PELP1: variants seen among roughly 807,000 people sequenced by gnomAD.
PELP1 encodes the protein proline-, glutamic acid- and leucine-rich protein 1.
A neutral mutation model predicts 95.5 loss-of-function variants in PELP1; 32 were observed. The observed-to-expected ratio is 0.34, with a 90% CI of 0.25 to 0.45. PELP1 has a LOEUF of 0.45. Ranked by LOEUF, PELP1 falls within the 20% of genes least tolerant of loss-of-function variation. The pLI is 1.00. For synonymous variants in PELP1, 668 were observed against 600.1 expected (o/e 1.11, Z -1.65); for missense variants, 1,358 against 1,444.8 (o/e 0.94, Z 0.97).
chr17:4,700,214 G>T (rs749090627), intron 1 of PELP1, among the ~76,000 whole-genome samples: 4 of 152,124 alleles, frequency 2.6e-5, no homozygotes, highest in Non-Finnish European at 5.9e-5. Flanking sequence ...CGAGGATGAA[G>T]TTTTGAGCCT....
intron 1 of PELP1, among the ~76,000 whole-genome samples, chr17:4,693,605 G>A (rs1019121270): frequency 4.6e-5 from 7 of 152,166 alleles, no homozygotes; most frequent in Non-Finnish European, 1.0e-4. Flanking sequence ...TACCGCCACA[G>A]TGGATCTGAT....
intron 3 of PELP1, among the ~76,000 whole-genome samples, chr17:4,687,057 T>C (rs1912931334): frequency 6.6e-6 from 1 of 152,110 alleles, no homozygotes; most frequent in African/African-American, 2.4e-5. Flanking sequence ...ATTAGAACAC[T>C]TTCTTAACCC....
intron 1 of PELP1, among the ~76,000 whole-genome samples, chr17:4,692,026 C>T (rs1424110847): frequency 6.6e-6 from 1 of 152,172 alleles, no homozygotes; most frequent in Non-Finnish European, 1.5e-5. Flanking sequence ...CCTCCTCTCA[C>T]GGCACCCGCG....
chr17:4,675,947 C>T lies in PELP1; in HGVS notation c.981-63G>A, dbSNP rs977459604. 35 of 1,590,490 alleles carry T rather than the reference C, an allele frequency of 2.2e-5. No homozygotes were observed. The highest frequency in any genetic ancestry group is 2.8e-5 in the Non-Finnish European group (33 of 1,164,878). On this transcript the variant is annotated intron_variant, in intron 8 of 16. Coordinates refer to ENST00000572293, the MANE Select transcript of PELP1 (RefSeq NM_014389.3). The surrounding 1 kb of genome is among the most constrained non-coding windows in gnomAD (Gnocchi z 4.3). ...CTCCCTGGCATAACTCCCACACCCA[C>T]CTTCATCTCCTTTCTCCTGATGAAG...
chr17:4,683,177 G>T, intron 3 of PELP1: 2 of 846,086 alleles, frequency 2.4e-6, no homozygotes, highest in Non-Finnish European at 3.1e-6. Context: ...GAAAAAAAGA[G>T]TAACAAAGCT....
At chr17:4,703,736 C>G (rs1035603919) in intron 1 of PELP1, 127 bp downstream of exon 1, 10 of 746,176 alleles carry the variant, frequency 1.3e-5, no homozygotes, top group Admixed American at 8.6e-5. Context: ...ATACCTGGAT[C>G]CCCTTTCTGC....
In PELP1 at chr17:4,675,162, C is replaced by T; in HGVS notation, c.1191G>A (p.Leu397=). The T allele has an allele frequency of 6.2e-7, 1 of 1,613,874 alleles. No individual in the cohort carries two copies. Among genetic ancestry groups the T allele is most frequent in the Non-Finnish European group, 8.5e-7 (1 of 1,179,866 alleles). ...CGSRLLRFGI[L]IGRLLPQVLN... is the part of the protein sequence containing the mutation. ...GGACCTGGGGAAGCAGGCGGCCGAT[C>T]AGGATCCCAAAGCGCAAGAGCCGGC... Residue 397 remains leucine, a synonymous_variant, in exon 11 of 17, where the codon CTG becomes CTA. Transcript: ENST00000572293. The surrounding 1 kb of genome is among the most constrained non-coding windows in gnomAD (Gnocchi z 4.3).
At chr17:4,685,064 G>C (rs773392373) in intron 3 of PELP1, among the ~76,000 whole-genome samples, 1 of 152,098 alleles carries the variant, frequency 6.6e-6, no homozygotes, top group Non-Finnish European at 1.5e-5. Flanking sequence ...CTCATCGTTA[G>C]AGCCCAGCAT....
chr17:4,678,610 C>T (rs1386245090), intron 5 of PELP1, among the ~76,000 whole-genome samples: 2 of 152,188 alleles, frequency 1.3e-5, no homozygotes, highest in African/African-American at 2.4e-5. Flanking sequence ...AGCAATGACT[C>T]GCTTGGAACA....
At position 4,671,543 on chromosome 17, in the gene PELP1, A is replaced by C; in HGVS notation, c.3301-12T>G. 3 of 1,613,650 alleles carry C rather than the reference A, an allele frequency of 1.9e-6. No individual in the cohort carries two copies. The highest frequency in any genetic ancestry group is 2.5e-6 in the Non-Finnish European group (3 of 1,179,796). On this transcript the variant is annotated splice_polypyrimidine_tract_variant and intron_variant, in intron 16 of 16. Transcript: ENST00000572293. ...GTGTCATCCTGCTCCTTTTAGGCAC[A>C]AAGATACAAGATTCAGAATAGTCAC...
intron 3 of PELP1, among the ~76,000 whole-genome samples, chr17:4,690,665 T>C (rs1226106114): frequency 6.6e-6 from 1 of 152,126 alleles, no homozygotes; most frequent in African/African-American, 2.4e-5. Context: ...GAGGATGCAG[T>C]GAGCCAAGAT....
intron 3 of PELP1, 82 bp from the exon 4 acceptor site, chr17:4,683,034 T>G (rs1432588639): frequency 7.3e-7 from 1 of 1,378,930 alleles, no homozygotes; most frequent in South Asian, 1.9e-5. Flanking sequence ...ACAAGCCTTC[T>G]GAGGAATGCC....
Position 4,673,916 on chromosome 17 carries a change from T to C in PELP1, c.1583-242A>G, listed in dbSNP as rs1038515371. ...AATTTTATAATTTTGCATTTATATA[T>C]TTGGGAACAATCGGTTCTCCCCTTC... On this transcript the variant is annotated intron_variant, in intron 13 of 16. Coordinates refer to ENST00000572293, the MANE Select transcript of PELP1 (RefSeq NM_014389.3). The surrounding 1 kb of genome is among the most constrained non-coding windows in gnomAD (Gnocchi z 5.7). 8 of 514,084 alleles carry C rather than the reference T, an allele frequency of 1.6e-5. No individual in the cohort carries two copies. The highest frequency in any genetic ancestry group is 2.4e-5 in the Non-Finnish European group (7 of 286,904). The allele number at this position is 514,084 out of a possible 1,614,324, so 31.8% of individuals were successfully genotyped here.
In PELP1 at chr17:4,691,386, G is replaced by A; in HGVS notation, c.306C>T (p.Ile102=). ...VSLSNARLSS[I]KTRFEGLCLL... The stretch of plus-strand genomic sequence containing the variant: ...AAGGGCCAAAGACTTACCGAGTTTT[G>A]ATGGAACTGAGACGTGCATTACTGA... Residue 102 remains isoleucine, a synonymous_variant, in exon 2 of 17, where the codon ATC becomes ATT. Coordinates refer to ENST00000572293, the MANE Select transcript of PELP1 (RefSeq NM_014389.3). 1 of 1,612,958 alleles carries A rather than the reference G, an allele frequency of 6.2e-7. No individual in the cohort carries two copies. Among genetic ancestry groups the A allele is most frequent in the Non-Finnish European group, 8.5e-7 (1 of 1,178,950 alleles).
intron 1 of PELP1, among the ~76,000 whole-genome samples, chr17:4,697,763 A>G (rs938371210): frequency 6.6e-6 from 1 of 152,172 alleles, no homozygotes; most frequent in Non-Finnish European, 1.5e-5. Context: ...TAATGAGTTC[A>G]ACGGAACAAC....
chr17:4,689,266 T>C (rs1015582368), intron 3 of PELP1, among the ~76,000 whole-genome samples: 1 of 152,176 alleles, frequency 6.6e-6, no homozygotes, highest in Non-Finnish European at 1.5e-5. Flanking sequence ...AAAACCCTTC[T>C]AGACATTGGC....
Position 4,675,678 on chromosome 17 carries a change from G to A in PELP1, c.1068+119C>T. The A allele has an allele frequency of 3.9e-6, 3 of 766,276 alleles. No individual in the cohort carries two copies. The East Asian group carries it at 8.0e-5, about 20-fold the overall frequency. The allele number at this position is 766,276 out of a possible 1,614,324, so 47.5% of individuals were successfully genotyped here. On this transcript the variant is annotated intron_variant, in intron 9 of 16. Coordinates refer to ENST00000572293, the MANE Select transcript of PELP1 (RefSeq NM_014389.3). This position sits in a 1 kb window ranked among gnomAD's most constrained non-coding sequence, Gnocchi z 4.3. ...AAGTGATGTTATTTGGACAAAAGTAGGAAGCTCTCTGGGACGACTCCAGGA... is the reference window on the plus strand; with the variant it reads ...AAGTGATGTTATTTGGACAAAAGTAAGAAGCTCTCTGGGACGACTCCAGGA...
chr17:4,676,841 C>T (rs767466556), intron 5 of PELP1, 29 bp from the exon 6 acceptor site: 18 of 1,532,268 alleles, frequency 1.2e-5, no homozygotes, highest in East Asian at 4.9e-5. Context: ...AGGAAGAGGC[C>T]AGTGAGCCAG....
At chr17:4,683,420 C>T (rs1158602668) in intron 3 of PELP1, among the ~76,000 whole-genome samples, 8 of 151,488 alleles carry the variant, frequency 5.3e-5, no homozygotes, top group Admixed American at 2.0e-4. Flanking sequence ...CGGGGTTTCA[C>T]TATGTTAGCC....
Sources: allele counts gnomAD v4.1 joint callset (sites outside exome capture counted in the v4.1 genomes callset), GRCh38; gene constraint gnomAD v4.1.1; non-coding constraint Gnocchi (gnomAD v3.1); transcripts MANE v1.5; gene names NCBI Gene and HGNC (gene_info 2026-07-23, HGNC 2026-07-21).